FAM168B: variants seen among roughly 807,000 people sequenced by gnomAD.
FAM168B encodes family with sequence similarity 168 member B, also known as myelin-associated neurite-outgrowth inhibitor.
In FAM168B, 19 loss-of-function variants were observed where a neutral mutation model predicts 21.8. The ratio of observed to expected loss-of-function variants is 0.87; its 90% CI spans 0.61 to 1.28. The LOEUF is 1.28. FAM168B is among the 50% of genes most tolerant of loss of function. The pLI is 0.00. For missense variants in FAM168B, 233 were observed against 263.1 expected, an observed-to-expected ratio of 0.89 and a Z score of 0.79; for synonymous variants, 126 against 104.8, an observed-to-expected ratio of 1.20 and a Z score of -1.24.
chr2:131,050,250 A>G lies in FAM168B; in HGVS notation c.*2215T>C. ...ACCCCAAGACTCCAGCCCTCACAGG[A>G]GTTGTACATGTATGTTTCCATTTTG... is the stretch of plus-strand genomic sequence containing the variant. On this transcript the variant is annotated 3_prime_UTR_variant, in exon 7 of 7. Coordinates refer to ENST00000389915, the MANE Select transcript of FAM168B (RefSeq NM_001009993.4). 1 of 985,462 alleles carries G rather than the reference A, an allele frequency of 1.0e-6. No homozygotes were observed. The highest frequency in any genetic ancestry group is 1.2e-6 in the Non-Finnish European group (1 of 829,938). The allele number at this position is 985,462 out of a possible 1,614,324, so 61.0% of individuals were successfully genotyped here. A position where few individuals can be genotyped will look rare whatever the true frequency, so the allele number is the denominator to read the frequency against.
intron 2 of FAM168B, among the ~76,000 whole-genome samples, chr2:131,074,878 T>C (rs946150336): frequency 1.3e-4 from 20 of 152,142 alleles, no homozygotes; most frequent in African/African-American, 3.9e-4. Context: ...CAGGTTTCTG[T>C]GGGAACAGGA....
At chr2:131,072,716 C>T (rs915237426) in intron 2 of FAM168B, among the ~76,000 whole-genome samples, 1 of 152,140 alleles carries the variant, frequency 6.6e-6, no homozygotes, top group Admixed American at 6.5e-5. Flanking sequence ...CTCAGCCTCC[C>T]GAAGTGCTGG....
chr2:131,073,345 G>A (rs1186274660), intron 2 of FAM168B, among the ~76,000 whole-genome samples: 14 of 152,176 alleles, frequency 9.2e-5, no homozygotes, highest in South Asian at 4.2e-4. Flanking sequence ...CACCTGCCTC[G>A]GCCTCCCAAA....
chr2:131,084,494 C>T (rs1693584241), intron 1 of FAM168B, among the ~76,000 whole-genome samples: 1 of 152,044 alleles, frequency 6.6e-6, no homozygotes, highest in Non-Finnish European at 1.5e-5. Context: ...GCCACCATGC[C>T]ACTCTAGTTT....
chr2:131,085,614 T>C (rs752013528), intron 1 of FAM168B, among the ~76,000 whole-genome samples: 15 of 152,226 alleles, frequency 9.9e-5, no homozygotes, highest in Non-Finnish European at 1.6e-4. Flanking sequence ...GAAGAAAATA[T>C]TAGGTCACAT....
At position 131,049,093 on chromosome 2, in the gene FAM168B, G is replaced by A. The variant is rs1387254552; in HGVS notation, c.*3372C>T. On this transcript the variant is annotated 3_prime_UTR_variant, in exon 7 of 7. Coordinates refer to ENST00000389915, the MANE Select transcript of FAM168B (RefSeq NM_001009993.4). ...CCAGCACTCACTGGCACTCACAGGTGCCTTACATACCTTACGGGGGCCAAC... is the reference window on the plus strand; with the variant it reads ...CCAGCACTCACTGGCACTCACAGGTACCTTACATACCTTACGGGGGCCAAC... The A allele has an allele frequency of 1.0e-6, 1 of 985,294 alleles. No individual in the cohort carries two copies. The highest frequency in any genetic ancestry group is 1.2e-6 in the Non-Finnish European group (1 of 829,930). 61.0% of individuals were successfully genotyped at this position (985,294 alleles called of 1,614,324 possible). A position where few individuals can be genotyped will look rare whatever the true frequency, so the allele number is the denominator to read the frequency against.
chr2:131,091,686 C>T lies in FAM168B; in HGVS notation c.-12+1528G>A, dbSNP rs147040956. 4.5e-4 allele frequency among the ~76,000 whole-genome samples: 69 copies of T among 151,900 alleles called. No homozygotes were observed. The East Asian group carries it at 0.012, about 27-fold the overall frequency. ...GAAAAAAGAAAAGAAGTTCTCTCCCCCAAACTTTACCTTCATTACCAAGGT... is the reference window on the plus strand; with the variant it reads ...GAAAAAAGAAAAGAAGTTCTCTCCCTCAAACTTTACCTTCATTACCAAGGT... On this transcript the variant is annotated intron_variant, in intron 1 of 6. Transcript: ENST00000389915.
intron 1 of FAM168B, among the ~76,000 whole-genome samples, chr2:131,083,722 T>C (rs969882376): frequency 6.6e-6 from 1 of 152,212 alleles, no homozygotes; most frequent in African/African-American, 2.4e-5. Context: ...GCATCCTGCA[T>C]TACACAGTAT....
chr2:131,074,147 T>C (rs1361746614), intron 2 of FAM168B, among the ~76,000 whole-genome samples: 1 of 152,130 alleles, frequency 6.6e-6, no homozygotes, highest in Non-Finnish European at 1.5e-5. Flanking sequence ...TCTTTTTTTT[T>C]GAGACAGAGT....
At chr2:131,066,888 G>A (rs1445877605) in intron 3 of FAM168B, among the ~76,000 whole-genome samples, 2 of 152,122 alleles carry the variant, frequency 1.3e-5, no homozygotes, top group African/African-American at 2.4e-5. Context: ...AGAAATACCC[G>A]AGACTGGGTA....
chr2:131,050,216 T>A lies in FAM168B; in HGVS notation c.*2249A>T, dbSNP rs1674655554. 1.0e-6 allele frequency: 1 copy of A among 985,372 alleles called. No individual in the cohort carries two copies. The highest frequency in any genetic ancestry group is 1.7e-5 in the African/African-American group (1 of 57,238). 61.0% of individuals were successfully genotyped at this position (985,372 alleles called of 1,614,324 possible). ...GAAGAGATGCCTGTAACTTCTAACC[T>A]CCTCCTGAACCCCAAGACTCCAGCC... On this transcript the variant is annotated 3_prime_UTR_variant, in exon 7 of 7. Transcript: ENST00000389915.
At chr2:131,053,710 C>T (rs1167750275) in intron 5 of FAM168B, among the ~76,000 whole-genome samples, 1 of 151,974 alleles carries the variant, frequency 6.6e-6, no homozygotes, top group Non-Finnish European at 1.5e-5. Flanking sequence ...GATCCCAGCT[C>T]TACAAAAAGT....
chr2:131,063,586 C>A (rs1692412279), intron 3 of FAM168B, among the ~76,000 whole-genome samples: 1 of 152,096 alleles, frequency 6.6e-6, no homozygotes, highest in Admixed American at 6.6e-5. Context: ...CTGAGACTGG[C>A]CTGAGCAGCA....
rs1558935267 is a variant in FAM168B, at chr2:131,052,471, ACACT to A, written c.*13-23_*13-20del. 1 of 999,282 alleles carries A rather than the reference ACACT, an allele frequency of 1.0e-6. No homozygotes were observed. The highest frequency in any genetic ancestry group is 1.2e-6 in the Non-Finnish European group (1 of 837,736). The allele number at this position is 999,282 out of a possible 1,614,324, so 61.9% of individuals were successfully genotyped here. A position where few individuals can be genotyped will look rare whatever the true frequency, so the allele number is the denominator to read the frequency against. Reference sequence around the variant, plus strand: ...CTCAAACCTGCAGAAAGGAAGACAGACACTCAGTCACACAGAGCTCTTCCGGCAC... The same window carrying A: ...CTCAAACCTGCAGAAAGGAAGACAGACAGTCACACAGAGCTCTTCCGGCAC... On this transcript the variant is annotated intron_variant, in intron 6 of 6. Transcript: ENST00000389915.
intron 3 of FAM168B, among the ~76,000 whole-genome samples, chr2:131,065,799 GAAAAA>G (rs1163207429): frequency 2.3e-5 from 2 of 86,886 alleles, no homozygotes; most frequent in Admixed American, 1.2e-4. Flanking sequence ...AAAAAAAAAA[GAAAAA>G]AAGAAAAAAA....
intron 1 of FAM168B, among the ~76,000 whole-genome samples, chr2:131,092,459 T>A (rs1016015912): frequency 1.3e-5 from 2 of 152,220 alleles, no homozygotes; most frequent in African/African-American, 4.8e-5. Context: ...TTGAGAAAAG[T>A]GATCTCAAAT....
At chr2:131,071,999 T>C (rs1692897514) in intron 2 of FAM168B, 61 bp from the exon 3 acceptor site, 2 of 1,456,462 alleles carry the variant, frequency 1.4e-6, no homozygotes, top group Middle Eastern at 1.7e-4. Context: ...TCACTAGAGC[T>C]CCTGCAAAGC....
intron 1 of FAM168B, among the ~76,000 whole-genome samples, chr2:131,088,965 CTTTT>C (rs34730768): frequency 1.4e-5 from 2 of 139,966 alleles, no homozygotes; most frequent in Non-Finnish European, 3.1e-5. Flanking sequence ...GAGCGTACCA[CTTTT>C]TTTTTTTTTT....
Position 131,049,699 on chromosome 2 carries a change from T to G in FAM168B, c.*2766A>C. 5 of 985,832 alleles carry G rather than the reference T, an allele frequency of 5.1e-6. No homozygotes were observed. Among genetic ancestry groups the G allele is most frequent in the Non-Finnish European group, 6.0e-6 (5 of 829,928 alleles). The allele number at this position is 985,832 out of a possible 1,614,324, so 61.1% of individuals were successfully genotyped here. On this transcript the variant is annotated 3_prime_UTR_variant, in exon 7 of 7. Coordinates refer to ENST00000389915, the MANE Select transcript of FAM168B (RefSeq NM_001009993.4). Reference sequence around the variant, plus strand: ...TGTTTACATGAACTAGGTCCTTTGCTTACCTGCTGTCTCAACTTCTAAAAG... The same window carrying G: ...TGTTTACATGAACTAGGTCCTTTGCGTACCTGCTGTCTCAACTTCTAAAAG...
Sources: allele counts gnomAD v4.1 joint callset (sites outside exome capture counted in the v4.1 genomes callset), GRCh38; gene constraint gnomAD v4.1.1; transcripts MANE v1.5; gene names NCBI Gene and HGNC (gene_info 2026-07-23, HGNC 2026-07-21).